The following NSDHL variants were observed in gnomAD, a reference collection of about 807,000 sequenced individuals.
NSDHL encodes the protein NAD(P) dependent 3-beta-hydroxysteroid dehydrogenase NSDHL.
In NSDHL, 1 loss-of-function variant was observed where a neutral mutation model predicts 23.0. That is an observed-to-expected ratio of 0.04 (90% CI 0.02 to 0.21). The LOEUF (loss-of-function observed/expected upper bound fraction) is 0.21. Ranked by LOEUF, NSDHL falls within the 10% of genes least tolerant of loss-of-function variation. The pLI, the probability that NSDHL is intolerant of heterozygous loss-of-function variation, is 1.00. For synonymous variants in NSDHL, 128 were observed against 121.1 expected (o/e 1.06, Z -0.37); for missense variants, 237 against 300.9 (o/e 0.79, Z 1.57).
At chrX:152,843,683 C>T (rs1933228248) in intron 1 of NSDHL, among the ~76,000 whole-genome samples, 1 of 112,299 alleles carries the variant, frequency 8.9e-6, no homozygotes, top group South Asian at 3.7e-4. Flanking sequence ...ACTTTTCATG[C>T]AAAACTTAAG....
intron 4 of NSDHL, among the ~76,000 whole-genome samples, chrX:152,861,348 A>G (rs781991331): frequency 1.2e-4 from 13 of 112,974 alleles, no homozygotes; most frequent in Non-Finnish European, 2.2e-4. Context: ...TGTGTCTTAC[A>G]TGGGCCTGTT....
chrX:152,868,070 C>T (rs782195034), intron 7 of NSDHL, among the ~76,000 whole-genome samples: 101 of 110,648 alleles, frequency 9.1e-4, no homozygotes, highest in Middle Eastern at 9.3e-3. Context: ...TTTTATTCTC[C>T]TGAACCTCTG....
chrX:152,847,870 T>C (rs1366424210), intron 2 of NSDHL, among the ~76,000 whole-genome samples: 2 of 108,676 alleles, frequency 1.8e-5, no homozygotes, highest in Non-Finnish European at 3.8e-5. Flanking sequence ...TTTTTTTCTT[T>C]TTTTTTTTTT....
At chrX:152,837,977 T>C (rs1286870629) in intron 1 of NSDHL, among the ~76,000 whole-genome samples, 10 of 111,957 alleles carry the variant, frequency 8.9e-5, no homozygotes, top group African/African-American at 3.2e-4. Flanking sequence ...TTTCAGAGCC[T>C]GTTATTGGTC....
chrX:152,867,678 G>T lies in NSDHL; in HGVS notation c.789+5G>T, dbSNP rs782044447. Reference sequence around the variant, plus strand: ...GACTCGACACTGGGTGGGAAGGTAAGGCCTGCTGCACCGGTCCCTGCACAG... The same window carrying T: ...GACTCGACACTGGGTGGGAAGGTAATGCCTGCTGCACCGGTCCCTGCACAG... On this transcript the variant is annotated splice_donor_5th_base_variant and intron_variant, in intron 7 of 7. Coordinates refer to ENST00000370274, the MANE Select transcript of NSDHL (RefSeq NM_015922.3). 2 of 1,163,559 alleles carry T rather than the reference G, an allele frequency of 1.7e-6. No homozygotes were observed. Among genetic ancestry groups the T allele is most frequent in the Middle Eastern group, 2.4e-4 (1 of 4,233 alleles).
Position 152,869,142 on chromosome X carries a change from G to C in NSDHL, c.*26G>C. The C allele has an allele frequency of 8.9e-7, 1 of 1,119,638 alleles. No individual in the cohort carries two copies. Among genetic ancestry groups the C allele is most frequent in the South Asian group, 1.8e-5 (1 of 54,310 alleles). 92.3% of individuals were successfully genotyped at this position (1,119,638 alleles called of 1,213,427 possible). The stretch of plus-strand genomic sequence containing the variant: ...GGGACACTGGAGGCTGGGCTCTCTC[G>C]ACACGTTGCTCAGCCAGTCACTCCT... On this transcript the variant is annotated 3_prime_UTR_variant, in exon 8 of 8. Coordinates refer to ENST00000370274, the MANE Select transcript of NSDHL (RefSeq NM_015922.3).
intron 5 of NSDHL, among the ~76,000 whole-genome samples, chrX:152,863,691 G>A (rs1457888448): frequency 1.8e-5 from 2 of 112,262 alleles, no homozygotes; most frequent in Admixed American, 9.4e-5. Flanking sequence ...GCTGCAGATG[G>A]GGATTGTCAC....
rs782515292 is a variant in NSDHL at position 152,863,135 on chromosome X, C to A, written c.543+411C>A. Reference sequence around the variant, plus strand: ...CGAGATTGTGCCATTGCACTCCAGCCTGGGGGATAGAGAGAGAGAGACGCT... The same window carrying A: ...CGAGATTGTGCCATTGCACTCCAGCATGGGGGATAGAGAGAGAGAGACGCT... On this transcript the variant is annotated intron_variant, in intron 5 of 7. Transcript: ENST00000370274. 5.5e-5 allele frequency among the ~76,000 whole-genome samples: 6 copies of A among 109,890 alleles called. No individual in the cohort carries two copies. The South Asian group carries it at 2.0e-3, about 36-fold the overall frequency.
chrX:152,839,878 A>G (rs1389895746), intron 1 of NSDHL, among the ~76,000 whole-genome samples: 1 of 112,367 alleles, frequency 8.9e-6, no homozygotes, highest in Non-Finnish European at 1.9e-5. Context: ...CTCCTGGATA[A>G]TATCCTGCAG....
intron 2 of NSDHL, among the ~76,000 whole-genome samples, chrX:152,848,617 C>T (rs979888231): frequency 1.1e-4 from 12 of 112,748 alleles, no homozygotes; most frequent in African/African-American, 3.9e-4. Context: ...TTTGAAACAC[C>T]TGTAACTAGA....
intron 1 of NSDHL, among the ~76,000 whole-genome samples, chrX:152,844,631 G>C (rs1257268005): frequency 2.7e-5 from 3 of 112,601 alleles, no homozygotes; most frequent in Non-Finnish European, 5.6e-5. Flanking sequence ...AGCCAGCAGT[G>C]GGCATTCGTG....
intron 5 of NSDHL, among the ~76,000 whole-genome samples, chrX:152,863,143 TAGAG>T (rs782310559): frequency 9.2e-6 from 1 of 108,171 alleles, no homozygotes; most frequent in Non-Finnish European, 1.9e-5. Context: ...GCCTGGGGGA[TAGAG>T]AGAGAGAGAC....
chrX:152,852,125 C>T (rs1335696586), intron 3 of NSDHL, among the ~76,000 whole-genome samples: 1 of 111,002 alleles, frequency 9.0e-6, no homozygotes, highest in African/African-American at 3.3e-5. Flanking sequence ...TGTTCGCTTG[C>T]ATAGTCTTCA....
chrX:152,842,930 G>A (rs782795089), intron 1 of NSDHL, among the ~76,000 whole-genome samples: 51 of 112,066 alleles, frequency 4.6e-4, no homozygotes, highest in Non-Finnish European at 8.8e-4. Flanking sequence ...GTGAATTTAG[G>A]TGAGTAGGCA....
chrX:152,839,155 ATC>A (rs1933150785), intron 1 of NSDHL, among the ~76,000 whole-genome samples: 1 of 111,451 alleles, frequency 9.0e-6, no homozygotes, highest in Admixed American at 9.5e-5. Flanking sequence ...TGCTTGGTAG[ATC>A]TCTCTTCATC....
chrX:152,856,985 C>G (rs955784953), intron 3 of NSDHL, among the ~76,000 whole-genome samples: 5 of 112,562 alleles, frequency 4.4e-5, no homozygotes, highest in Non-Finnish European at 9.4e-5. Flanking sequence ...GCAGAGGTTG[C>G]AGTGAGCTGA....
chrX:152,864,803 G>A (rs1933581765), intron 5 of NSDHL, among the ~76,000 whole-genome samples: 2 of 111,972 alleles, frequency 1.8e-5, no homozygotes, highest in South Asian at 3.7e-4. Context: ...GAGTCCTGGC[G>A]GGAAGAGGAG....
intron 3 of NSDHL, among the ~76,000 whole-genome samples, chrX:152,853,196 A>G (rs1341688792): frequency 3.8e-5 from 4 of 106,457 alleles, no homozygotes; most frequent in Non-Finnish European, 7.7e-5. Context: ...CTGTTTGGAT[A>G]CCTCATGGAC....
At chrX:152,866,105 T>C (rs1933603685) in intron 6 of NSDHL, 144 bp downstream of exon 6, 2 of 656,725 alleles carry the variant, frequency 3.0e-6, no homozygotes, top group Non-Finnish European at 4.8e-6. Context: ...ACAAAATACC[T>C]AAGACTGGGT....
Sources: gnomAD v4.1 joint callset for allele counts (sites outside exome capture counted in the v4.1 genomes callset) on GRCh38, gnomAD v4.1.1 for gene constraint, MANE v1.5 for transcripts, NCBI Gene and HGNC (gene_info 2026-07-23, HGNC 2026-07-21) for gene names.